Variants in DDX10 observed in about 807,000 individuals in gnomAD.
DDX10 encodes the protein DEAD-box helicase 10, also known as probable ATP-dependent RNA helicase DDX10.
In DDX10, 74 loss-of-function variants were observed where a neutral mutation model predicts 104.3. The ratio of observed to expected loss-of-function variants is 0.71; its 90% CI spans 0.59 to 0.86. The LOEUF (loss-of-function observed/expected upper bound fraction) is 0.86. DDX10 is among the 40% of genes least tolerant of loss of function. The pLI is 0.00. For missense variants in DDX10, 952 were observed against 1,040.0 expected (o/e 0.92, Z 1.16); for synonymous variants, 351 against 353.4 (o/e 0.99, Z 0.08).
chr11:108,811,269 C>A (rs922688256), intron 13 of DDX10, among the ~76,000 whole-genome samples: 2 of 152,146 alleles, frequency 1.3e-5, no homozygotes, highest in African/African-American at 4.8e-5. Flanking sequence ...GGAAATGTGA[C>A]AAGACCTGTA....
At chr11:108,772,914 A>G (rs1206296019) in intron 13 of DDX10, among the ~76,000 whole-genome samples, 5 of 152,218 alleles carry the variant, frequency 3.3e-5, no homozygotes, top group African/African-American at 4.8e-5. Flanking sequence ...GTAAGGTACC[A>G]GTAGTTTAAC....
At chr11:108,791,968 A>T (rs61638878) in intron 13 of DDX10, among the ~76,000 whole-genome samples, 293 of 152,322 alleles carry the variant, frequency 1.9e-3, no homozygotes, top group African/African-American at 6.9e-3. Context: ...CATTTAAAAA[A>T]ATATAGTTAT....
intron 6 of DDX10, among the ~76,000 whole-genome samples, chr11:108,684,167 A>T (rs944792467): frequency 0.021 from 546 of 25,698 alleles, no homozygotes; most frequent in Middle Eastern, 0.033. Context: ...TTTTAAGGTT[A>T]TAGATTTTCT....
At chr11:108,806,054 T>G (rs556331799) in intron 13 of DDX10, among the ~76,000 whole-genome samples, 1 of 152,248 alleles carries the variant, frequency 6.6e-6, no homozygotes, top group East Asian at 1.9e-4. Context: ...CTACGCCTCC[T>G]GGGTTCAAGC....
chr11:108,674,129 C>T (rs1447446833), intron 2 of DDX10, among the ~76,000 whole-genome samples: 1 of 152,018 alleles, frequency 6.6e-6, no homozygotes, highest in East Asian at 1.9e-4. Flanking sequence ...TGAGACCAGC[C>T]TGGCCAACAT....
At chr11:108,774,054 C>T (rs1367306052) in intron 13 of DDX10, among the ~76,000 whole-genome samples, 3 of 151,990 alleles carry the variant, frequency 2.0e-5, no homozygotes, top group African/African-American at 4.8e-5. Flanking sequence ...CAAACTTCAA[C>T]AAAAAAAGCA....
intron 14 of DDX10, among the ~76,000 whole-genome samples, chr11:108,838,964 C>A (rs1024365125): frequency 1.3e-5 from 2 of 152,192 alleles, no homozygotes; most frequent in Non-Finnish European, 2.9e-5. Flanking sequence ...AAATGCTGTA[C>A]TTGCATATAT....
At chr11:108,885,886 A>G (rs1747677846) in intron 16 of DDX10, among the ~76,000 whole-genome samples, 1 of 152,226 alleles carries the variant, frequency 6.6e-6, no homozygotes, top group African/African-American at 2.4e-5. Context: ...AATTCAGCTA[A>G]GTCACTTTGA....
intron 1 of DDX10, among the ~76,000 whole-genome samples, chr11:108,671,902 A>G (rs1211103842): frequency 1.3e-5 from 2 of 151,998 alleles, no homozygotes; most frequent in Non-Finnish European, 2.9e-5. Context: ...TACTAAAAAT[A>G]CAGAAAAAAT....
intron 17 of DDX10, among the ~76,000 whole-genome samples, chr11:108,935,613 A>T (rs534547965): frequency 1.3e-5 from 2 of 152,270 alleles, no homozygotes; most frequent in Admixed American, 1.3e-4. Context: ...GGAGGTGGGC[A>T]TGGAAACCAT....
intron 17 of DDX10, 109 bp downstream of exon 17, chr11:108,918,127 T>C: frequency 9.6e-7 from 1 of 1,045,802 alleles, no homozygotes; most frequent in Non-Finnish European, 1.4e-6. Context: ...TGTTTGTTGC[T>C]TTTTTTTGAT....
At chr11:108,876,480 G>A (rs562584187) in intron 16 of DDX10, among the ~76,000 whole-genome samples, 1 of 152,146 alleles carries the variant, frequency 6.6e-6, no homozygotes, top group Non-Finnish European at 1.5e-5. Context: ...CAGTTACAGA[G>A]GAACTATGGA....
In DDX10 at chr11:108,938,506, A is replaced by G. The variant is rs114873741; in HGVS notation, c.2451-1740A>G. On this transcript the variant is annotated intron_variant, in intron 17 of 17. Transcript: ENST00000322536. ...ACCAGTATTCCCTTGAACCAAATAG[A>G]TCCTGGCACTATAACCCTGTGGGAC... 1.9e-3 allele frequency among the ~76,000 whole-genome samples: 289 copies of G among 152,316 alleles called. 1 individual carries two copies. The highest frequency in any genetic ancestry group is 6.4e-3 in the African/African-American group (264 of 41,570).
At chr11:108,828,311 C>T (rs112139624) in intron 13 of DDX10, among the ~76,000 whole-genome samples, 6 of 152,092 alleles carry the variant, frequency 3.9e-5, no homozygotes, top group African/African-American at 1.2e-4. Flanking sequence ...ATCCCCAACC[C>T]TTTCCCCCGA....
intron 16 of DDX10, among the ~76,000 whole-genome samples, chr11:108,910,406 A>G (rs1205660157): frequency 6.6e-6 from 1 of 152,218 alleles, no homozygotes; most frequent in African/African-American, 2.4e-5. Context: ...CAAGTAAGAT[A>G]ATCTATGTTA....
In DDX10 at chr11:108,762,740, A is replaced by G. The variant is rs540238932; in HGVS notation, c.1965+39278A>G. On this transcript the variant is annotated intron_variant, in intron 13 of 17. Transcript: ENST00000322536. Reference sequence around the variant, plus strand: ...TCATGGTCTCAAAGTTTTTTCATTTATGTAAAAATTATATACATTTTTACC... The same window carrying G: ...TCATGGTCTCAAAGTTTTTTCATTTGTGTAAAAATTATATACATTTTTACC... Among the ~76,000 whole-genome samples the G allele has an allele frequency of 4.9e-4, 75 of 152,272 alleles. 1 individual carries two copies. The highest frequency in any genetic ancestry group is 1.7e-3 in the African/African-American group (71 of 41,574).
At chr11:108,854,647 G>A (rs773788719) in intron 16 of DDX10, among the ~76,000 whole-genome samples, 14 of 152,248 alleles carry the variant, frequency 9.2e-5, no homozygotes, top group African/African-American at 1.4e-4. Context: ...GAGGACTCAC[G>A]TAGCTGTCTT....
intron 9 of DDX10, among the ~76,000 whole-genome samples, chr11:108,705,571 A>G (rs1215607045): frequency 2.0e-5 from 3 of 152,336 alleles, no homozygotes; most frequent in Admixed American, 1.3e-4. Context: ...TAACAGGAAC[A>G]TTAGATCACT....
At chr11:108,851,716 A>G (rs576711245) in intron 15 of DDX10, among the ~76,000 whole-genome samples, 72 of 152,250 alleles carry the variant, frequency 4.7e-4, no homozygotes, top group Non-Finnish European at 7.4e-4. Context: ...CGGGTTTGAG[A>G]TCAGTCATTT....
Sources: allele counts gnomAD v4.1 joint callset (sites outside exome capture counted in the v4.1 genomes callset), GRCh38; gene constraint gnomAD v4.1.1; transcripts MANE v1.5; gene names NCBI Gene and HGNC (gene_info 2026-07-23, HGNC 2026-07-21).